The following THOC1 variants were observed in gnomAD, a reference collection of about 807,000 sequenced individuals.
THOC1 encodes THO complex 1.
A neutral mutation model predicts 97.3 loss-of-function variants in THOC1; 29 were observed. That is an observed-to-expected ratio of 0.30 (90% confidence interval 0.22 to 0.41). The LOEUF (loss-of-function observed/expected upper bound fraction) is 0.41, where lower values mean the gene tolerates loss of function less well. Among genes scored for constraint, THOC1 ranks in the 10% least tolerant of loss-of-function variants. THOC1 has a pLI of 1.00. For synonymous variants in THOC1, 255 were observed against 257.0 expected, an observed-to-expected ratio of 0.99 and a Z score of 0.07; for missense variants, 529 against 761.9, an observed-to-expected ratio of 0.69 and a Z score of 3.60.
chr18:243,847 T>C (rs944982173), intron 11 of THOC1, among the ~76,000 whole-genome samples: 1 of 152,212 alleles, frequency 6.6e-6, no homozygotes, highest in Non-Finnish European at 1.5e-5. Context: ...TTAACAAATA[T>C]AGCTGGAGTT....
chr18:261,436 C>T (rs769437558), intron 4 of THOC1, among the ~76,000 whole-genome samples: 4 of 152,096 alleles, frequency 2.6e-5, no homozygotes, highest in Admixed American at 6.5e-5. Flanking sequence ...ATCTGGAATG[C>T]GACGTGAGGG....
rs759934263 is a variant in THOC1 at position 268,012 on chromosome 18, G to T, written c.8C>A (p.Pro3Gln). Residue 3 changes from proline (P) to glutamine (Q), a missense_variant, in exon 1 of 21, where the codon CCG (proline) becomes CAG (glutamine). Pro to Gln is a moderately conservative substitution (Grantham distance 76). This residue lies in a region of THOC1 where 114 missense variants were observed against 97.4 expected (regional missense o/e 1.17). Coordinates refer to ENST00000261600, the MANE Select transcript of THOC1 (RefSeq NM_005131.3). ...GGGCAAACTGAAGAGCGGCGGCGTCGGAGACATCTTCTCGGCTGCGCGTGC... is the reference window on the plus strand; with the variant it reads ...GGGCAAACTGAAGAGCGGCGGCGTCTGAGACATCTTCTCGGCTGCGCGTGC... MS[P>Q]TPPLFSLPEA... 1.2e-6 allele frequency: 2 copies of T among 1,605,352 alleles called. No homozygotes were observed. Among genetic ancestry groups the T allele is most frequent in the African/African-American group, 2.7e-5 (2 of 74,772 alleles).
intron 11 of THOC1, among the ~76,000 whole-genome samples, chr18:243,431 G>A (rs745678164): frequency 5.3e-5 from 8 of 152,048 alleles, no homozygotes; most frequent in Non-Finnish European, 1.2e-4. Flanking sequence ...CTATTTGTTC[G>A]GGAGGTGGAG....
At chr18:244,453 G>A (rs1912017886) in intron 11 of THOC1, 1 of 151,922 alleles carries the variant, frequency 6.6e-6, no homozygotes, top group Non-Finnish European at 1.5e-5. Context: ...CGACAGTCTT[G>A]AGTATATTTA....
At chr18:239,405 C>T (rs566228199) in intron 11 of THOC1, among the ~76,000 whole-genome samples, 18 of 152,160 alleles carry the variant, frequency 1.2e-4, no homozygotes, top group South Asian at 4.2e-4. Context: ...CCTAGGTTTA[C>T]GCAATTCTCC....
At chr18:236,615 G>C (rs1011577498) in intron 11 of THOC1, among the ~76,000 whole-genome samples, 6 of 151,572 alleles carry the variant, frequency 4.0e-5, no homozygotes, top group African/African-American at 1.5e-4. Flanking sequence ...CGCCCGCCTC[G>C]GCCTCCCAAA....
At chr18:263,926 C>A in intron 4 of THOC1, 100 bp downstream of exon 4, 1 of 923,280 alleles carries the variant, frequency 1.1e-6, no homozygotes, top group Non-Finnish European at 1.6e-6. Context: ...GAAGAATAAA[C>A]AAAATCAGAT....
At chr18:229,890 G>T (rs886615964) in intron 11 of THOC1, among the ~76,000 whole-genome samples, 1 of 149,908 alleles carries the variant, frequency 6.7e-6, no homozygotes, top group African/African-American at 2.5e-5. Context: ...TTTTCTTCGG[G>T]ATTTCAGTAT....
chr18:262,438 A>C (rs2143303301), intron 4 of THOC1, among the ~76,000 whole-genome samples: 1 of 152,360 alleles, frequency 6.6e-6, no homozygotes, highest in South Asian at 2.1e-4. Context: ...AAGAAAAATT[A>C]TCCCTAAAAT....
In THOC1 at chr18:242,339, G is replaced by A. The variant is rs564948836; in HGVS notation, c.918+3985C>T. ...TTAAAAATACAAAAATTGGCCAGGC[G>A]TGGTGTTGGGCGCCTGTAATCCCAG... On this transcript the variant is annotated intron_variant, in intron 11 of 20. Transcript: ENST00000261600. The surrounding 1 kb of genome is among the most constrained non-coding windows in gnomAD (Gnocchi z 4.5). 5.9e-5 allele frequency among the ~76,000 whole-genome samples: 9 copies of A among 152,072 alleles called. No individual in the cohort carries two copies. Among genetic ancestry groups the A allele is most frequent in the South Asian group, 2.1e-4 (1 of 4,816 alleles).
In THOC1 at chr18:218,978, T is replaced by C. The variant is rs760096024; in HGVS notation, c.1371-9A>G. On this transcript the variant is annotated splice_polypyrimidine_tract_variant and intron_variant, in intron 17 of 20. Coordinates refer to ENST00000261600, the MANE Select transcript of THOC1 (RefSeq NM_005131.3). ...AAGTGGGCATGTGTTCCCTGAGCGG[T>C]ACAAAAATAACCAGTGAGGATGGCA... is the stretch of plus-strand genomic sequence containing the variant. The C allele has an allele frequency of 2.5e-6, 4 of 1,581,818 alleles. No individual in the cohort carries two copies. In the Admixed American group the frequency reaches 5.3e-5, roughly 21 times the overall value.
intron 11 of THOC1, among the ~76,000 whole-genome samples, chr18:238,469 T>C (rs1911786014): frequency 6.6e-6 from 1 of 152,196 alleles, no homozygotes; most frequent in South Asian, 2.1e-4. Context: ...GTGAATATCA[T>C]AGAGTGTACT....
rs1264933178 is a variant in THOC1, at chr18:214,658, T to C, written c.1942A>G (p.Ser648Gly). 1.2e-6 allele frequency: 2 copies of C among 1,613,644 alleles called. No individual in the cohort carries two copies. Among genetic ancestry groups the C allele is most frequent in the Non-Finnish European group, 1.7e-6 (2 of 1,179,670 alleles). ...TTTGTCTCATTGTCATTAGTTAGAC[T>C]TTCTGCAAGGTCACTTAATCCAGAC... Reference protein sequence around the residue: ...NKSGLSDLAESLTNDNETNS With the variant: ...NKSGLSDLAEGLTNDNETNS The change falls in exon 21 of 21, where the codon AGT (serine) becomes GGT (glycine). Residue 648 changes from serine (S) to glycine (G), a missense_variant. Around this residue, in one of 8 missense-constraint regions of THOC1, gnomAD observed 98 missense variants for 111.9 expected, o/e 0.88. Coordinates refer to ENST00000261600, the MANE Select transcript of THOC1 (RefSeq NM_005131.3).
chr18:267,023 A>G lies in THOC1; in HGVS notation c.54+943T>C, dbSNP rs879633955. Among the ~76,000 whole-genome samples, 297 of 148,828 alleles carry G rather than the reference A, an allele frequency of 2.0e-3. 6 individuals carry two copies. Among genetic ancestry groups the G allele is most frequent in the Admixed American group, 0.017 (250 of 14,866 alleles). On this transcript the variant is annotated intron_variant, in intron 1 of 20. Coordinates refer to ENST00000261600, the MANE Select transcript of THOC1 (RefSeq NM_005131.3). ...TATACGTATACGTATATATATGTAT[A>G]TATATATATATATAACCCTGCAAAC...
chr18:246,929 A>C (rs988510832), intron 10 of THOC1, among the ~76,000 whole-genome samples: 6 of 151,980 alleles, frequency 3.9e-5, no homozygotes, highest in African/African-American at 1.4e-4. Flanking sequence ...AAAAAAAAAA[A>C]AAAAAAACGA....
intron 8 of THOC1, among the ~76,000 whole-genome samples, chr18:253,657 C>T (rs1423630783): frequency 1.3e-5 from 2 of 152,024 alleles, no homozygotes; most frequent in African/African-American, 4.8e-5. Flanking sequence ...ACAGAAAGTA[C>T]ATCTATTCTA....
chr18:249,295 C>T (rs1013155266), intron 9 of THOC1, among the ~76,000 whole-genome samples: 1 of 152,158 alleles, frequency 6.6e-6, no homozygotes, highest in African/African-American at 2.4e-5. Context: ...ACATTAACTT[C>T]TCTCTATAAT....
chr18:225,022 G>T, intron 14 of THOC1, 28 bp from the exon 15 acceptor site: 1 of 1,565,364 alleles, frequency 6.4e-7, no homozygotes, highest in South Asian at 1.2e-5. Flanking sequence ...ATTACATTTT[G>T]GTTAGTGGAA....
At position 252,543 on chromosome 18, in the gene THOC1, T is replaced by C; in HGVS notation, c.673A>G (p.Thr225Ala). Residue 225 changes from threonine (T) to alanine (A), a missense_variant, in exon 9 of 21, where the codon ACG becomes GCG. This residue lies in a region of THOC1 where 92 missense variants were observed against 127.0 expected (regional missense o/e 0.72). Transcript: ENST00000261600. ...GEMGDEEAPT[T>A]CSIPIDYNLY... The stretch of plus-strand genomic sequence containing the variant: ...GCTTAGGCTCTGAAAACTCACCACG[T>C]TGTTGGAGCTTCCTCGTCTCCCATT... 6.2e-7 allele frequency: 1 copy of C among 1,611,060 alleles called. No individual in the cohort carries two copies. The highest frequency in any genetic ancestry group is 1.1e-5 in the South Asian group (1 of 90,748).
Sources: allele counts gnomAD v4.1 joint callset (sites outside exome capture counted in the v4.1 genomes callset), GRCh38; gene constraint gnomAD v4.1.1; regional missense constraint gnomAD v4.1.1; non-coding constraint Gnocchi (gnomAD v3.1); transcripts MANE v1.5; gene names NCBI Gene and HGNC (gene_info 2026-07-23, HGNC 2026-07-21).